CCDC180: variants seen among roughly 807,000 people sequenced by gnomAD.
The protein encoded by CCDC180 is coiled-coil domain containing 180, also known as coiled-coil domain-containing protein 180.
In CCDC180, 154 loss-of-function variants were observed where a neutral mutation model predicts 209.2. The observed-to-expected ratio is 0.74, with a 90% CI of 0.65 to 0.84. CCDC180 has a LOEUF of 0.84. Among genes scored for constraint, CCDC180 ranks in the 40% least tolerant of loss-of-function variants. CCDC180 has a pLI of 0.00. For missense variants in CCDC180, 1,874 were observed against 1,997.3 expected (o/e 0.94, Z 1.18); for synonymous variants, 778 against 749.1 (o/e 1.04, Z -0.63).
chr9:97,314,516 A>C lies in CCDC180; in HGVS notation c.583A>C (p.Ile195Leu). 1 of 1,614,072 alleles carries C rather than the reference A, an allele frequency of 6.2e-7. No individual in the cohort carries two copies. Among genetic ancestry groups the C allele is most frequent in the Non-Finnish European group, 8.5e-7 (1 of 1,179,982 alleles). The part of the protein sequence containing the change: ...ENDTNLEDYT[I>L]QALLELWDKV... Reference sequence around the variant, plus strand: ...TGACACCAACCTTGAGGACTACACCATCCAAGTAGGGGTCCCTTCGTGGCT... The same window carrying C: ...TGACACCAACCTTGAGGACTACACCCTCCAAGTAGGGGTCCCTTCGTGGCT... Residue 195 changes from isoleucine to leucine, a missense_variant, in exon 6 of 37, where the codon ATC (isoleucine) becomes CTC (leucine). Physicochemically the swap from Ile to Leu is conservative, Grantham distance 5. Transcript: ENST00000529487.
Position 97,366,418 on chromosome 9 carries a change from T to C in CCDC180, c.4048-141T>C. The C allele has an allele frequency of 2.6e-6, 2 of 766,862 alleles. No homozygotes were observed. Among genetic ancestry groups the C allele is most frequent in the South Asian group, 4.0e-5 (2 of 50,116 alleles). The allele number at this position is 766,862 out of a possible 1,614,324, so 47.5% of individuals were successfully genotyped here. A position where few individuals can be genotyped will look rare whatever the true frequency, so the allele number is the denominator to read the frequency against. On this transcript the variant is annotated intron_variant, in intron 30 of 36. Coordinates refer to ENST00000529487, the MANE Select transcript of CCDC180 (RefSeq NM_020893.6). This position sits in a 1 kb window ranked among gnomAD's most constrained non-coding sequence, Gnocchi z 4.3. ...ACACGGGCAGACAGGGAAGGAGGAG[T>C]GTCTGCTCGTGTCACTTCCACAGGG... is the stretch of plus-strand genomic sequence containing the variant.
intron 11 of CCDC180, among the ~76,000 whole-genome samples, chr9:97,321,671 C>G (rs4237189): frequency 0.55 from 83,366 of 152,134 alleles, 24,285 homozygotes; most frequent in African/African-American, 0.73. Flanking sequence ...CTCTGCCCTC[C>G]GGCACTTCCA....
intron 30 of CCDC180, 53 bp downstream of exon 30, chr9:97,365,792 C>T: frequency 2.0e-6 from 3 of 1,508,620 alleles, no homozygotes; most frequent in Non-Finnish European, 2.8e-6. Context: ...CGCCTGCCTT[C>T]TGCAGTCTGC....
At chr9:97,335,137 G>T (rs1825863303) in intron 18 of CCDC180, among the ~76,000 whole-genome samples, 1 of 150,408 alleles carries the variant, frequency 6.6e-6, no homozygotes, top group Admixed American at 6.6e-5. Flanking sequence ...TCCTTCTTTT[G>T]CTCTATTAAA....
chr9:97,350,789 C>T (rs533340747), intron 22 of CCDC180, among the ~76,000 whole-genome samples: 2 of 152,320 alleles, frequency 1.3e-5, no homozygotes, highest in East Asian at 1.9e-4. Context: ...AACTCTGTAC[C>T]ATTAAACAAG....
In CCDC180 at chr9:97,324,941, G is replaced by T; in HGVS notation, c.1372-78G>T. On this transcript the variant is annotated intron_variant, in intron 13 of 36. Coordinates refer to ENST00000529487, the MANE Select transcript of CCDC180 (RefSeq NM_020893.6). ...ATACTGTTCAGTCGTTAGAGACAGGGGGTCCCACAGGTGGGCCCTCTTCTT... is the reference window on the plus strand; with the variant it reads ...ATACTGTTCAGTCGTTAGAGACAGGTGGTCCCACAGGTGGGCCCTCTTCTT... 2.9e-6 allele frequency: 4 copies of T among 1,369,598 alleles called. No individual in the cohort carries two copies. In the South Asian group the frequency reaches 4.1e-5, roughly 14 times the overall value. 84.8% of individuals were successfully genotyped at this position (1,369,598 alleles called of 1,614,324 possible).
intron 9 of CCDC180, among the ~76,000 whole-genome samples, 170 bp downstream of exon 9, chr9:97,317,398 A>G (rs1459658970): frequency 6.6e-6 from 1 of 152,192 alleles, no homozygotes; most frequent in Non-Finnish European, 1.5e-5. Flanking sequence ...AAAAATCACC[A>G]CTAATCTCTC....
chr9:97,317,183 A>G lies in CCDC180; in HGVS notation c.914A>G (p.Asp305Gly). Residue 305 changes from aspartate to glycine, a missense_variant, in exon 9 of 37, where the codon GAC (aspartate) becomes GGC (glycine). Transcript: ENST00000529487. ...CGCCACCGCTGGCAAGGCTTGGTGGACACCTGGAAGGCTCTCAAGAAGGAG... is the reference window on the plus strand; with the variant it reads ...CGCCACCGCTGGCAAGGCTTGGTGGGCACCTGGAAGGCTCTCAAGAAGGAG... ...DSRHRWQGLV[D>G]TWKALKKEAL... The G allele has an allele frequency of 6.2e-7, 1 of 1,611,772 alleles. No individual in the cohort carries two copies. The highest frequency in any genetic ancestry group is 8.5e-7 in the Non-Finnish European group (1 of 1,178,468).
chr9:97,322,311 G>T (rs1265338768), intron 11 of CCDC180, among the ~76,000 whole-genome samples: 1 of 152,094 alleles, frequency 6.6e-6, no homozygotes, highest in African/African-American at 2.4e-5. Context: ...ATCTCTGTGT[G>T]GTCTTTCAGT....
Position 97,371,890 on chromosome 9 carries a change from G to A in CCDC180, c.4600+184G>A, listed in dbSNP as rs867373559. 1.8e-5 allele frequency: 8 copies of A among 439,786 alleles called. No individual in the cohort carries two copies. In the South Asian group the frequency reaches 2.4e-4, roughly 13 times the overall value. 27.2% of individuals were successfully genotyped at this position (439,786 alleles called of 1,614,324 possible). ...AAAAGCAAATGCCAGATGGCTCAAC[G>A]TTTATATATAAAAAATGAAACCCTA... is the stretch of plus-strand genomic sequence containing the variant. On this transcript the variant is annotated intron_variant, in intron 34 of 36. Transcript: ENST00000529487.
At chr9:97,354,424 C>A (rs41281930) in intron 22 of CCDC180, 145 bp from the exon 23 acceptor site, 291 of 791,538 alleles carry the variant, frequency 3.7e-4, no homozygotes, top group Non-Finnish European at 5.4e-4. Context: ...CTACTCCTGT[C>A]CTTAAGCTAT....
chr9:97,348,603 G>T (rs1390416955), intron 20 of CCDC180, among the ~76,000 whole-genome samples: 3 of 152,090 alleles, frequency 2.0e-5, no homozygotes, highest in Non-Finnish European at 2.9e-5. Flanking sequence ...GGTCGGGGGG[G>T]TCTAGGGACT....
chr9:97,343,771 A>C, intron 19 of CCDC180: 1 of 540,582 alleles, frequency 1.8e-6, no homozygotes, highest in Non-Finnish European at 3.3e-6. Context: ...TGTGAGAGTG[A>C]CCCCCTGCAC....
rs1587819310 is a variant in CCDC180, at chr9:97,349,251, G to C, written c.2815G>C (p.Asp939His). The change falls in exon 21 of 37, where the codon GAC becomes CAC. Residue 939 changes from aspartate (D) to histidine (H), a missense_variant. Asp to His is a moderately conservative substitution (Grantham distance 81, BLOSUM62 -1). Coordinates refer to ENST00000529487, the MANE Select transcript of CCDC180 (RefSeq NM_020893.6). ...CAAAAACTTCCGCCTTAAGATCTATGACATGGAGCACATCTTCTTGAATGC... is the reference window on the plus strand; with the variant it reads ...CAAAAACTTCCGCCTTAAGATCTATCACATGGAGCACATCTTCTTGAATGC... Reference protein sequence around the residue: ...RSKNFRLKIYDMEHIFLNATR... With the variant: ...RSKNFRLKIYHMEHIFLNATR... The C allele has an allele frequency of 6.5e-7, 1 of 1,536,720 alleles. No individual in the cohort carries two copies. The highest frequency in any genetic ancestry group is 8.7e-7 in the Non-Finnish European group (1 of 1,147,048).
rs775958091 is a variant in CCDC180, at chr9:97,330,521, T to C, written c.2028T>C (p.Ser676=). The change falls in exon 18 of 37, where the codon TCT becomes TCC. Residue 676 remains serine, a synonymous_variant. Transcript: ENST00000529487. ...TEEVLGQQKK[S]PLHAKMDESK... ...AGGTGCTGGGGCAGCAGAAAAAATC[T>C]CCACTGCATGCTAAGATGGATGAGT... 17 of 1,613,994 alleles carry C rather than the reference T, an allele frequency of 1.1e-5. No individual in the cohort carries two copies. The South Asian group carries it at 1.9e-4, about 18-fold the overall frequency.
intron 5 of CCDC180, among the ~76,000 whole-genome samples, 161 bp from the exon 6 acceptor site, chr9:97,314,232 C>T (rs1466899026): frequency 1.3e-5 from 2 of 152,210 alleles, no homozygotes; most frequent in East Asian, 3.8e-4. Flanking sequence ...GAGCGTGTGG[C>T]GTGGTTGTGA....
rs767055626 is a variant in CCDC180 at position 97,370,071 on chromosome 9, G to A, written c.4339G>A (p.Glu1447Lys). 6.2e-6 allele frequency: 10 copies of A among 1,613,932 alleles called. No homozygotes were observed. The South Asian group carries it at 1.1e-4, about 18-fold the overall frequency. ...GQFEEQQKRL[E>K]KRKDKNAQKL... ...GTTCGAGGAACAGCAGAAGCGGCTG[G>A]AGAAAAGAAAGGTGAGGGCCCCAGG... The change falls in exon 32 of 37, where the codon GAG becomes AAG. Residue 1447 changes from glutamate to lysine, a missense_variant. Coordinates refer to ENST00000529487, the MANE Select transcript of CCDC180 (RefSeq NM_020893.6).
At chr9:97,308,448 G>A (rs973065661) in intron 2 of CCDC180, among the ~76,000 whole-genome samples, 5 of 152,090 alleles carry the variant, frequency 3.3e-5, no homozygotes, top group African/African-American at 1.2e-4. Flanking sequence ...TAAAAAATAG[G>A]TTTCATTCTG....
At chr9:97,352,447 T>C (rs969424007) in intron 22 of CCDC180, among the ~76,000 whole-genome samples, 9 of 152,168 alleles carry the variant, frequency 5.9e-5, no homozygotes, top group Admixed American at 4.6e-4. Context: ...TCCTGGTTGA[T>C]GAGATATCTG....
Sources: gnomAD v4.1 joint callset for allele counts (sites outside exome capture counted in the v4.1 genomes callset) on GRCh38, gnomAD v4.1.1 for gene constraint, Gnocchi (gnomAD v3.1) non-coding constraint, MANE v1.5 for transcripts, NCBI Gene and HGNC (gene_info 2026-07-23, HGNC 2026-07-21) for gene names.